SLC36A1: variants seen among roughly 807,000 people sequenced by gnomAD.
The protein encoded by SLC36A1 is proton-coupled amino acid transporter 1.
Under a neutral mutation model 47.5 loss-of-function variants are expected in SLC36A1, and 30 were observed. The observed-to-expected ratio is 0.63, with a 90% CI of 0.47 to 0.86. The LOEUF is 0.86. SLC36A1 is among the 40% of genes least tolerant of loss of function. SLC36A1 has a pLI of 0.00. For synonymous variants in SLC36A1, 255 were observed against 249.7 expected (o/e 1.02, Z -0.20); for missense variants, 517 against 606.0 (o/e 0.85, Z 1.54).
At chr5:151,389,615 G>C in the SLC36A1 span, among the ~76,000 whole-genome samples, 1 of 142,832 alleles carries the variant, frequency 7.0e-6, no homozygotes, top group Admixed American at 7.4e-5. Flanking sequence ...GTGTCCAAGT[G>C]TTCTTATTGT....
At chr5:151,536,417 T>TC in the SLC36A1 span, among the ~76,000 whole-genome samples, 1 of 152,088 alleles carries the variant, frequency 6.6e-6, no homozygotes, top group Non-Finnish European at 1.5e-5. Context: ...CTCAGGTATC[T>TC]CCAAGTCATC....
At chr5:151,512,173 TG>T in the SLC36A1 span, 2 of 1,611,826 alleles carry the variant, frequency 1.2e-6, no homozygotes, top group Non-Finnish European at 1.7e-6. This position sits in a 1 kb window ranked among gnomAD's most constrained non-coding sequence, Gnocchi z 4.1. Context: ...ACCTGCCCCA[TG>T]GGTCCATGAG....
chr5:151,404,695 C>G, the SLC36A1 span, among the ~76,000 whole-genome samples: 1,478 of 152,246 alleles, frequency 9.7e-3, 8 homozygotes, highest in Non-Finnish European at 0.015. Context: ...ATATGAAATT[C>G]TTGGTTGGAA....
chr5:151,346,000 T>A, the SLC36A1 span, among the ~76,000 whole-genome samples: 1 of 152,204 alleles, frequency 6.6e-6, no homozygotes, highest in Non-Finnish European at 1.5e-5. Context: ...TAAGTGGGAA[T>A]TCGAGTCTGG....
chr5:151,466,236 C>T (rs1413721057), intron 5 of SLC36A1, among the ~76,000 whole-genome samples: 3 of 152,072 alleles, frequency 2.0e-5, no homozygotes, highest in African/African-American at 7.2e-5. Flanking sequence ...TATTTTAATG[C>T]GTGCTCATAG....
chr5:151,413,135 T>C, the SLC36A1 span, among the ~76,000 whole-genome samples: 1 of 151,856 alleles, frequency 6.6e-6, no homozygotes, highest in Admixed American at 6.6e-5. Flanking sequence ...AGCTCAAGGA[T>C]AGATATTCAA....
At chr5:151,506,314 G>C in the SLC36A1 span, among the ~76,000 whole-genome samples, 2 of 152,224 alleles carry the variant, frequency 1.3e-5, no homozygotes, top group African/African-American at 4.8e-5. Flanking sequence ...AGCCCATCTT[G>C]CAAATCCCTG....
the SLC36A1 span, chr5:151,412,614 AG>A: frequency 6.9e-5 from 10 of 144,284 alleles, 2 homozygotes; most frequent in South Asian, 1.3e-3. Flanking sequence ...CAGCGCACAG[AG>A]GCTCTGGAGG....
the SLC36A1 span, chr5:151,517,905 T>A: frequency 9.5e-7 from 1 of 1,051,346 alleles, no homozygotes; most frequent in Non-Finnish European, 1.4e-6. Context: ...AGGCTGGGTG[T>A]GGGGTGTGCC....
intron 7 of SLC36A1, among the ~76,000 whole-genome samples, chr5:151,468,904 C>A (rs1378440502): frequency 1.3e-5 from 2 of 152,064 alleles, no homozygotes; most frequent in Non-Finnish European, 2.9e-5. Flanking sequence ...TTGTTCCTTG[C>A]CCTCACTTAA....
At chr5:151,438,917 T>C (rs1430520026) in intron 1 of SLC36A1, among the ~76,000 whole-genome samples, 2 of 152,224 alleles carry the variant, frequency 1.3e-5, no homozygotes, top group Admixed American at 6.5e-5. Context: ...AAAATACTAT[T>C]GATATAATGT....
chr5:151,488,301 C>T lies in SLC36A1; in HGVS notation c.*47C>T, dbSNP rs764688479. ...GCTGCCTACCCCTGCCCCATGTGTC[C>T]CCCGTTACCTGTCCTCAGAGCCTCA... On this transcript the variant is annotated 3_prime_UTR_variant, in exon 11 of 11. Coordinates refer to ENST00000243389, the MANE Select transcript of SLC36A1 (RefSeq NM_078483.4). 8 of 1,593,178 alleles carry T rather than the reference C, an allele frequency of 5.0e-6. No homozygotes were observed. The Admixed American group carries it at 5.1e-5, about 10-fold the overall frequency.
At chr5:151,444,630 C>A (rs1752818364), upstream of SLC36A1, among the ~76,000 whole-genome samples, 3 of 152,150 alleles carry the variant, frequency 2.0e-5, no homozygotes, top group Admixed American at 2.0e-4. Flanking sequence ...GGACTACAGG[C>A]ATGCACCACC....
At chr5:151,494,865 G>C (rs1281859705), downstream of SLC36A1, among the ~76,000 whole-genome samples, 2 of 152,136 alleles carry the variant, frequency 1.3e-5, no homozygotes, top group African/African-American at 4.8e-5. Flanking sequence ...ACTTGAATCT[G>C]TGCTTCCCAG....
chr5:151,376,448 T>C, the SLC36A1 span, among the ~76,000 whole-genome samples: 1 of 152,174 alleles, frequency 6.6e-6, no homozygotes, highest in African/African-American at 2.4e-5. Flanking sequence ...TTATTTCTTT[T>C]CATTTGTTAG....
the SLC36A1 span, chr5:151,509,420 G>A: frequency 1.3e-5 from 2 of 152,862 alleles, no homozygotes; most frequent in South Asian, 2.1e-4. Context: ...ACCCATACTG[G>A]TCGGTGGCCT....
upstream of SLC36A1, chr5:151,447,446 C>T (rs1050163151): frequency 6.6e-6 from 1 of 152,278 alleles, no homozygotes; most frequent in African/African-American, 2.4e-5. Flanking sequence ...ATTCGCAGTC[C>T]CCAGCGCCCA....
At chr5:151,367,361 A>ATTTT in the SLC36A1 span, among the ~76,000 whole-genome samples, 861 of 118,866 alleles carry the variant, frequency 7.2e-3, 27 homozygotes, top group African/African-American at 0.026. Flanking sequence ...CCAGGAATGC[A>ATTTT]TTTTTTTTTT....
At chr5:151,385,919 T>C in the SLC36A1 span, among the ~76,000 whole-genome samples, 1 of 150,146 alleles carries the variant, frequency 6.7e-6, no homozygotes, top group African/African-American at 2.4e-5. Flanking sequence ...TCTCCCGGGC[T>C]GGAGTGCAAT....
Sources: allele counts gnomAD v4.1 joint callset (sites outside exome capture counted in the v4.1 genomes callset), GRCh38; gene constraint gnomAD v4.1.1; non-coding constraint Gnocchi (gnomAD v3.1); transcripts MANE v1.5; gene names NCBI Gene and HGNC (gene_info 2026-07-23, HGNC 2026-07-21).